Variants in VWC2 observed in about 807,000 individuals in gnomAD.
VWC2 encodes von Willebrand factor C domain containing 2.
VWC2 carries 14 observed loss-of-function variants against 29.8 expected under a neutral mutation model. The ratio of observed to expected loss-of-function variants is 0.47; its 90% CI spans 0.31 to 0.74. The LOEUF (loss-of-function observed/expected upper bound fraction) is 0.74. Among genes scored for constraint, VWC2 ranks in the 30% least tolerant of loss-of-function variants. The probability of loss-of-function intolerance (pLI) is 0.05; values close to 1 mark genes in which losing one functional copy is unlikely to be tolerated. For synonymous variants in VWC2, 213 were observed against 199.0 expected (o/e 1.07, Z -0.59); for missense variants, 457 against 459.8 (o/e 0.99, Z 0.05).
intron 2 of VWC2, among the ~76,000 whole-genome samples, chr7:49,780,715 A>C (rs1368551895): frequency 6.6e-5 from 10 of 152,200 alleles, no homozygotes; most frequent in African/African-American, 2.4e-4. Flanking sequence ...AAAAGGGAAG[A>C]TGAATTATTA....
chr7:49,790,377 C>T (rs1177736230), intron 2 of VWC2, among the ~76,000 whole-genome samples: 1 of 152,168 alleles, frequency 6.6e-6, no homozygotes, highest in African/African-American at 2.4e-5. Context: ...GACTCAGAAA[C>T]TGACAGCCTC....
At chr7:49,861,572 C>A (rs909464139) in intron 3 of VWC2, among the ~76,000 whole-genome samples, 1 of 152,074 alleles carries the variant, frequency 6.6e-6, no homozygotes, top group African/African-American at 2.4e-5. Flanking sequence ...CTGCCAAATT[C>A]TGGGTAAGAA....
At chr7:49,878,556 C>T (rs1791540292) in intron 3 of VWC2, among the ~76,000 whole-genome samples, 1 of 152,156 alleles carries the variant, frequency 6.6e-6, no homozygotes, top group Admixed American at 6.6e-5. Context: ...TCCCAGCTCT[C>T]AACGCTCGGT....
At chr7:49,788,978 CAT>C (rs751300525) in intron 2 of VWC2, among the ~76,000 whole-genome samples, 39 of 133,746 alleles carry the variant, frequency 2.9e-4, no homozygotes, top group Non-Finnish European at 4.9e-4. Context: ...TGTGTGTGAG[CAT>C]GTGTGTGTGA....
At chr7:49,831,534 A>C (rs760931249) in intron 3 of VWC2, among the ~76,000 whole-genome samples, 1 of 152,196 alleles carries the variant, frequency 6.6e-6, no homozygotes, top group Non-Finnish European at 1.5e-5. Flanking sequence ...ACATGGGTAG[A>C]ATATACAGGT....
In VWC2 at chr7:49,776,115, C is replaced by T. The variant is rs1041639793; in HGVS notation, c.680C>T (p.Thr227Ile). 3.7e-5 allele frequency: 57 copies of T among 1,527,364 alleles called. 1 individual carries two copies. In the South Asian group the frequency reaches 6.6e-4, roughly 18 times the overall value. The allele number at this position is 1,527,364 out of a possible 1,614,324, so 94.6% of individuals were successfully genotyped here. Residue 227 changes from threonine (T) to isoleucine (I), a missense_variant, in exon 2 of 4, where the codon ACT becomes ATT. Physicochemically the swap from Thr to Ile is moderately conservative, Grantham distance 89. Coordinates refer to ENST00000340652, the MANE Select transcript of VWC2 (RefSeq NM_198570.5). ...GAGTTCCGGGGCAAGACCTATCAGA[C>T]TTTGGAGGAGTTCGTGGTAAGATGC... is the stretch of plus-strand genomic sequence containing the variant. The part of the protein sequence containing the change: ...YCEFRGKTYQ[T>I]LEEFVVSPCE...
chr7:49,826,214 G>T (rs1789388334), intron 3 of VWC2, among the ~76,000 whole-genome samples: 1 of 152,014 alleles, frequency 6.6e-6, no homozygotes, highest in Non-Finnish European at 1.5e-5. Context: ...TGCTATCTGG[G>T]GGACAGTTTT....
intron 2 of VWC2, among the ~76,000 whole-genome samples, chr7:49,785,858 A>G (rs1443281935): frequency 6.6e-6 from 1 of 152,264 alleles, no homozygotes; most frequent in African/African-American, 2.4e-5. Flanking sequence ...GAACTTTAAA[A>G]TAAGAGTCTA....
At chr7:49,874,637 G>A (rs780184973) in intron 3 of VWC2, among the ~76,000 whole-genome samples, 2 of 151,956 alleles carry the variant, frequency 1.3e-5, no homozygotes, top group Middle Eastern at 3.2e-3. Flanking sequence ...CAGGATTGGG[G>A]GTATTTATGT....
intron 3 of VWC2, among the ~76,000 whole-genome samples, chr7:49,902,107 T>C (rs1350673573): frequency 6.6e-6 from 1 of 151,904 alleles, no homozygotes; most frequent in Non-Finnish European, 1.5e-5. Context: ...TAGGAGAAAG[T>C]CTAGATAGCT....
Position 49,775,790 on chromosome 7 carries a change from C to T in VWC2, c.355C>T (p.Gln119Ter). The change falls in exon 2 of 4, where the codon CAG (glutamine) becomes TAG (stop). Residue 119 changes from glutamine (Q) to a stop codon, truncating the protein, a stop_gained. Coordinates refer to ENST00000340652, the MANE Select transcript of VWC2 (RefSeq NM_198570.5). LOFTEE classifies it high-confidence loss of function. ...GGTCCGGCCCCGCGGGGACACCCCG[C>T]AGGCGGAAGCCCTGGCCGCAGCCGC... ...LQVRPRGDTP[Q>*]AEALAAAAQD... The T allele has an allele frequency of 6.5e-7, 1 of 1,529,116 alleles. No individual in the cohort carries two copies. 94.7% of individuals were successfully genotyped at this position (1,529,116 alleles called of 1,614,324 possible).
chr7:49,825,085 C>T (rs867376560), intron 3 of VWC2, among the ~76,000 whole-genome samples: 1 of 152,098 alleles, frequency 6.6e-6, no homozygotes, highest in Non-Finnish European at 1.5e-5. Flanking sequence ...TTTATACTGG[C>T]TTATCTTCAA....
intron 2 of VWC2, among the ~76,000 whole-genome samples, chr7:49,789,238 A>T: frequency 8.1e-6 from 1 of 122,886 alleles, no homozygotes. Context: ...AGTGTGTGAA[A>T]GAGTGTAGGT....
chr7:49,815,232 G>C (rs1789108669), intron 3 of VWC2, among the ~76,000 whole-genome samples: 1 of 152,156 alleles, frequency 6.6e-6, no homozygotes. Flanking sequence ...TAAATAACTT[G>C]TGTTTGCTGT....
At chr7:49,810,587 A>G (rs1272985297) in intron 3 of VWC2, among the ~76,000 whole-genome samples, 1 of 152,182 alleles carries the variant, frequency 6.6e-6, no homozygotes, top group East Asian at 1.9e-4. Flanking sequence ...TTTTAAAAGA[A>G]CAAAGTTGGA....
rs934168474 is a variant in VWC2, at chr7:49,917,156, CAAT to C, written c.*4975_*4977del. ...TCAGTAGGTATCTAGTGAACTGATA[CAAT>C]AATGAGCTGAGTCATTTGTACAGAA... On this transcript the variant is annotated 3_prime_UTR_variant, in exon 4 of 4. Coordinates refer to ENST00000340652, the MANE Select transcript of VWC2 (RefSeq NM_198570.5). The C allele has an allele frequency of 6.6e-6, 1 of 152,082 alleles. No individual in the cohort carries two copies. The highest frequency in any genetic ancestry group is 6.6e-5 in the Admixed American group (1 of 15,262). 9.4% of individuals were successfully genotyped at this position (152,082 alleles called of 1,614,324 possible).
chr7:49,819,822 A>C (rs146758550), intron 3 of VWC2, among the ~76,000 whole-genome samples: 57 of 152,308 alleles, frequency 3.7e-4, no homozygotes, highest in Non-Finnish European at 7.2e-4. Context: ...CTCTGGTACC[A>C]TCTCAGGTCC....
At position 49,917,869 on chromosome 7, in the gene VWC2, T is replaced by G. The variant is rs965430809; in HGVS notation, c.*5684T>G. ...AAAGATTTCATTTTTCCATTCCCTT[T>G]ACTTTTATATTTACATTGTCAAATA... is the stretch of plus-strand genomic sequence containing the variant. On this transcript the variant is annotated 3_prime_UTR_variant, in exon 4 of 4. Transcript: ENST00000340652. The G allele has an allele frequency of 3.9e-5, 6 of 152,184 alleles. No homozygotes were observed. Among genetic ancestry groups the G allele is most frequent in the African/African-American group, 1.2e-4 (5 of 41,466 alleles). 9.4% of individuals were successfully genotyped at this position (152,184 alleles called of 1,614,324 possible). A position where few individuals can be genotyped will look rare whatever the true frequency, so the allele number is the denominator to read the frequency against.
chr7:49,859,829 C>T (rs768301340), intron 3 of VWC2, among the ~76,000 whole-genome samples: 1 of 151,788 alleles, frequency 6.6e-6, no homozygotes, highest in Admixed American at 6.6e-5. Flanking sequence ...CACACACTCA[C>T]TCTGCTGAGG....
Sources: allele counts gnomAD v4.1 joint callset (sites outside exome capture counted in the v4.1 genomes callset), GRCh38; gene constraint gnomAD v4.1.1; transcripts MANE v1.5; gene names NCBI Gene and HGNC (gene_info 2026-07-23, HGNC 2026-07-21).